PEX39: variants seen among roughly 807,000 people sequenced by gnomAD.
The protein encoded by PEX39 is peroxisomal biogenesis factor 39, also known as peroxin-39.
chr6:42,890,609 G>A, the PEX39 span: 1 of 1,612,360 alleles, frequency 6.2e-7, no homozygotes. Context: ...CGGCCTCCCA[G>A]GGCTTGGGCC....
the PEX39 span, chr6:42,890,380 G>C: frequency 8.5e-7 from 1 of 1,172,890 alleles, no homozygotes. Flanking sequence ...AGCAAGTCTA[G>C]TTGAGACAGG....
chr6:42,890,751 G>A, the PEX39 span: 1 of 1,606,064 alleles, frequency 6.2e-7, no homozygotes, highest in African/African-American at 1.3e-5. Context: ...TGAGGCAGAG[G>A]CCGGGGCCGA....
chr6:42,890,468 A>G, the PEX39 span: 1 of 1,497,812 alleles, frequency 6.7e-7, no homozygotes, highest in Non-Finnish European at 8.9e-7. Context: ...TCGCCGCCGC[A>G]AAGGACCTGG....
chr6:42,890,779 G>C, the PEX39 span: 8 of 1,588,012 alleles, frequency 5.0e-6, no homozygotes, highest in South Asian at 9.0e-5. Flanking sequence ...GGACTGCGGG[G>C]ACGCTCCATG....
At chr6:42,890,445 CA>C in the PEX39 span, 9 of 1,490,658 alleles carry the variant, frequency 6.0e-6, no homozygotes, top group Admixed American at 1.4e-4. Context: ...GTCCTGTAGC[CA>C]CGCCCTCCAG....
At chr6:42,890,593 A>C in the PEX39 span, 4 of 1,611,808 alleles carry the variant, frequency 2.5e-6, no homozygotes, top group East Asian at 8.9e-5. Flanking sequence ...GACTCAGCCA[A>C]AGCCGCGGCC....
the PEX39 span, chr6:42,890,413 G>A: frequency 2.1e-6 from 3 of 1,414,702 alleles, no homozygotes; most frequent in Admixed American, 8.0e-5. Flanking sequence ...CATAAAAGAT[G>A]AGTAACTGAA....
the PEX39 span, chr6:42,890,495 T>A: frequency 6.5e-7 from 1 of 1,537,716 alleles, no homozygotes; most frequent in Admixed American, 2.0e-5. Flanking sequence ...AGGGGCCCAC[T>A]GTATGCCATG....
chr6:42,890,647 C>T, the PEX39 span: 18 of 1,612,638 alleles, frequency 1.1e-5, no homozygotes, highest in African/African-American at 4.0e-5. Context: ...GCTGTGGGTT[C>T]GCCGTGGATC....
the PEX39 span, chr6:42,890,684 C>T: frequency 8.7e-6 from 14 of 1,612,736 alleles, no homozygotes; most frequent in Non-Finnish European, 1.2e-5. Flanking sequence ...TCTCCAGGCC[C>T]GGGAGTTCCT....
chr6:42,890,612 C>G, the PEX39 span: 1 of 1,612,452 alleles, frequency 6.2e-7, no homozygotes, highest in Non-Finnish European at 8.5e-7. Flanking sequence ...CCTCCCAGGG[C>G]TTGGGCCTCC....
the PEX39 span, chr6:42,890,504 T>C: frequency 2.1e-5 from 33 of 1,547,430 alleles, no homozygotes; most frequent in Middle Eastern, 1.7e-4. Context: ...CTGTATGCCA[T>C]GAAGAAGGCG....
chr6:42,890,576 G>A, the PEX39 span: 3 of 1,610,126 alleles, frequency 1.9e-6, no homozygotes, highest in Non-Finnish European at 2.5e-6. Flanking sequence ...GGGTCGGAGG[G>A]GGAAGGGACT....
the PEX39 span, chr6:42,890,781 C>T: frequency 1.3e-6 from 2 of 1,572,266 alleles, no homozygotes; most frequent in Non-Finnish European, 1.7e-6. Context: ...ACTGCGGGGA[C>T]GCTCCATGTC....
the PEX39 span, chr6:42,890,609 G>T: frequency 1.2e-6 from 2 of 1,612,360 alleles, no homozygotes; most frequent in East Asian, 4.5e-5. Flanking sequence ...CGGCCTCCCA[G>T]GGCTTGGGCC....
the PEX39 span, chr6:42,890,519 C>A: frequency 1.3e-6 from 2 of 1,561,548 alleles, no homozygotes; most frequent in African/African-American, 1.4e-5. Flanking sequence ...AAGGCGCAGT[C>A]GCTGCCTCAA....
chr6:42,890,787 A>T, the PEX39 span: 1 of 1,569,700 alleles, frequency 6.4e-7, no homozygotes. Context: ...GGGACGCTCC[A>T]TGTCGGGTCG....
At chr6:42,890,419 C>G in the PEX39 span, 3 of 1,445,494 alleles carry the variant, frequency 2.1e-6, no homozygotes, top group Admixed American at 5.2e-5. Flanking sequence ...AGATGAGTAA[C>G]TGAATGGCAT....
chr6:42,890,619 C>A, the PEX39 span: 1 of 1,612,522 alleles, frequency 6.2e-7, no homozygotes, highest in Non-Finnish European at 8.5e-7. Context: ...GGGCTTGGGC[C>A]TCCGCGGCAG....
Sources: gnomAD v4.1 joint callset for allele counts on GRCh38, gnomAD v4.1.1 for gene constraint, MANE v1.5 for transcripts, NCBI Gene and HGNC (gene_info 2026-07-23, HGNC 2026-07-21) for gene names.